The following SUPT3H variants were observed in gnomAD, a reference collection of about 807,000 sequenced individuals.
SUPT3H encodes the protein SPT3 homolog, SAGA and STAGA complex component.
Under a neutral mutation model 44.3 loss-of-function variants are expected in SUPT3H, and 44 were observed. The ratio of observed to expected loss-of-function variants is 0.99; its 90% CI spans 0.78 to 1.28. SUPT3H has a LOEUF of 1.28. SUPT3H is among the 50% of genes most tolerant of loss of function. SUPT3H has a pLI of 0.00. For missense variants in SUPT3H, 380 were observed against 387.1 expected (o/e 0.98, Z 0.15); for synonymous variants, 124 against 125.6 (o/e 0.99, Z 0.09).
rs986370093 is a variant in SUPT3H, at chr6:45,065,144, G to A, written c.186+40778C>T. On this transcript the variant is annotated intron_variant, in intron 3 of 10. Coordinates refer to ENST00000371459, the MANE Select transcript of SUPT3H (RefSeq NM_003599.4). ...CACAGTGCAATCAAACTAGAATTCA[G>A]GATTAAGAATCTCACTCAAAGCCGC... 8.8e-3 allele frequency among the ~76,000 whole-genome samples: 1,342 copies of A among 151,866 alleles called. 14 individuals are homozygous for A. Among genetic ancestry groups the A allele is most frequent in the South Asian group, 0.027 (131 of 4,788 alleles).
chr6:44,953,842 C>T (rs1774692819), intron 8 of SUPT3H, among the ~76,000 whole-genome samples: 1 of 152,140 alleles, frequency 6.6e-6, no homozygotes, highest in Non-Finnish European at 1.5e-5. Context: ...AATGATTCTC[C>T]TGCCTCAGCC....
chr6:44,838,347 G>C (rs1020062006), intron 10 of SUPT3H, among the ~76,000 whole-genome samples: 1 of 152,158 alleles, frequency 6.6e-6, no homozygotes, highest in Non-Finnish European at 1.5e-5. Flanking sequence ...GGCTGAGGGG[G>C]AAGACACATA....
chr6:44,853,720 G>A (rs1448258534), intron 10 of SUPT3H, among the ~76,000 whole-genome samples: 2 of 152,058 alleles, frequency 1.3e-5, no homozygotes, highest in East Asian at 1.9e-4. Context: ...ATAAACAGGA[G>A]TAGTGGTTTA....
chr6:45,080,010 C>T (rs1159913311), intron 3 of SUPT3H, among the ~76,000 whole-genome samples: 2 of 152,132 alleles, frequency 1.3e-5, no homozygotes, highest in African/African-American at 2.4e-5. Flanking sequence ...AAGTAAGAGA[C>T]AACCCACAAA....
chr6:45,152,381 C>T (rs1218271882), intron 2 of SUPT3H, among the ~76,000 whole-genome samples: 1 of 152,088 alleles, frequency 6.6e-6, no homozygotes, highest in Admixed American at 6.6e-5. Context: ...ATGCCTTAAG[C>T]GAAGCTGCTA....
At chr6:44,909,288 A>C (rs1766641359) in intron 10 of SUPT3H, among the ~76,000 whole-genome samples, 2 of 152,100 alleles carry the variant, frequency 1.3e-5, no homozygotes, top group African/African-American at 4.8e-5. Context: ...TATTAACATC[A>C]AATTGAATTA....
At chr6:45,325,605 T>C (rs1786218859) in intron 2 of SUPT3H, among the ~76,000 whole-genome samples, 1 of 151,426 alleles carries the variant, frequency 6.6e-6, no homozygotes, top group African/African-American at 2.4e-5. Context: ...TACTAACATG[T>C]CCCCAGAGAG....
intron 9 of SUPT3H, among the ~76,000 whole-genome samples, chr6:44,944,896 C>G (rs933189467): frequency 1.3e-5 from 2 of 150,824 alleles, no homozygotes; most frequent in Non-Finnish European, 2.9e-5. Context: ...TCTTTCAATA[C>G]AGGCATACCT....
chr6:45,114,178 A>AG (rs1800501515), intron 2 of SUPT3H, among the ~76,000 whole-genome samples: 1 of 152,122 alleles, frequency 6.6e-6, no homozygotes, highest in African/African-American at 2.4e-5. Flanking sequence ...TAATACCTAC[A>AG]AGTATTAATC....
intron 3 of SUPT3H, among the ~76,000 whole-genome samples, chr6:45,033,769 C>T (rs1342710581): frequency 2.6e-5 from 4 of 152,086 alleles, no homozygotes; most frequent in Non-Finnish European, 4.4e-5. Context: ...CACAGATTAT[C>T]TAAAATATCT....
intron 5 of SUPT3H, among the ~76,000 whole-genome samples, chr6:45,013,640 G>A (rs894725031): frequency 5.3e-5 from 8 of 152,092 alleles, no homozygotes; most frequent in Non-Finnish European, 1.2e-4. Flanking sequence ...CCATGTCTGA[G>A]GTAGAGCTTT....
intron 2 of SUPT3H, among the ~76,000 whole-genome samples, chr6:45,356,650 C>G (rs1338487474): frequency 6.6e-6 from 1 of 152,114 alleles, no homozygotes; most frequent in Non-Finnish European, 1.5e-5. Flanking sequence ...AGTGATCTGC[C>G]CACCTCAGCC....
At chr6:44,929,487 C>T (rs902405753) in intron 10 of SUPT3H, among the ~76,000 whole-genome samples, 23 of 152,160 alleles carry the variant, frequency 1.5e-4, no homozygotes, top group African/African-American at 5.3e-4. Context: ...CTCTATGCTT[C>T]ATAAATATAA....
intron 7 of SUPT3H, among the ~76,000 whole-genome samples, chr6:44,960,726 C>T (rs1052905689): frequency 3.9e-5 from 6 of 152,154 alleles, no homozygotes; most frequent in Admixed American, 6.5e-5. Context: ...GCTGAAATTG[C>T]CATGATCTGA....
chr6:45,340,987 T>C (rs551124225), intron 2 of SUPT3H, among the ~76,000 whole-genome samples: 220 of 152,274 alleles, frequency 1.4e-3, no homozygotes, highest in Non-Finnish European at 2.2e-3. Context: ...ATTTCTAAGC[T>C]TTAACTTCTA....
chr6:44,877,605 C>T (rs1266176665), intron 10 of SUPT3H, among the ~76,000 whole-genome samples: 1 of 152,068 alleles, frequency 6.6e-6, no homozygotes, highest in African/African-American at 2.4e-5. Flanking sequence ...TTATTCAATC[C>T]CATTTACTTC....
intron 6 of SUPT3H, among the ~76,000 whole-genome samples, chr6:44,964,080 G>T (rs1027135765): frequency 2.0e-5 from 3 of 151,950 alleles, no homozygotes; most frequent in South Asian, 2.1e-4. Flanking sequence ...ATCTATGTAC[G>T]TATGTTTGTG....
At chr6:45,345,999 C>T (rs1376502175) in intron 2 of SUPT3H, among the ~76,000 whole-genome samples, 1 of 152,170 alleles carries the variant, frequency 6.6e-6, no homozygotes, top group Non-Finnish European at 1.5e-5. Context: ...TGTCACCCTA[C>T]CTACAAATCT....
rs1763796475 is a variant in SUPT3H at position 45,209,828 on chromosome 6, C to T, written c.102-103822G>A. On this transcript the variant is annotated intron_variant, in intron 2 of 10. Coordinates refer to ENST00000371459, the MANE Select transcript of SUPT3H (RefSeq NM_003599.4). Reference sequence around the variant, plus strand: ...AGAAATCTTTTGTGAAAGCAAAAGCCAACTGGTGCAGCAAAGTTCATTGTT... The same window carrying T: ...AGAAATCTTTTGTGAAAGCAAAAGCTAACTGGTGCAGCAAAGTTCATTGTT... 2.6e-5 allele frequency among the ~76,000 whole-genome samples: 4 copies of T among 152,210 alleles called. No individual in the cohort carries two copies. The South Asian group carries it at 8.3e-4, about 32-fold the overall frequency.
Sources: allele counts gnomAD v4.1 joint callset (sites outside exome capture counted in the v4.1 genomes callset), GRCh38; gene constraint gnomAD v4.1.1; transcripts MANE v1.5; gene names NCBI Gene and HGNC (gene_info 2026-07-23, HGNC 2026-07-21).